COL5A2: variants seen among roughly 807,000 people sequenced by gnomAD.
The protein encoded by COL5A2 is collagen type V alpha 2 chain.
A neutral mutation model predicts 208.2 loss-of-function variants in COL5A2; 23 were observed. That is an observed-to-expected ratio of 0.11 (90% CI 0.08 to 0.16). The LOEUF (loss-of-function observed/expected upper bound fraction) is 0.16, where lower values mean the gene tolerates loss of function less well. COL5A2 is among the 10% of genes least tolerant of loss of function. The pLI is 1.00. For synonymous variants in COL5A2, 625 were observed against 628.5 expected (o/e 0.99, Z 0.08); for missense variants, 1,590 against 1,956.4 (o/e 0.81, Z 3.53).
At chr2:189,246,296 A>G in the COL5A2 span, among the ~76,000 whole-genome samples, 1 of 152,208 alleles carries the variant, frequency 6.6e-6, no homozygotes, top group African/African-American at 2.4e-5. Flanking sequence ...TAGGAAAAAA[A>G]AAAAGAATGT....
chr2:189,403,193 G>A, the COL5A2 span, among the ~76,000 whole-genome samples: 2 of 152,136 alleles, frequency 1.3e-5, no homozygotes, highest in South Asian at 2.1e-4. Context: ...GAGCTCATTC[G>A]TGATTTGGCT....
chr2:189,430,020 T>C, the COL5A2 span, among the ~76,000 whole-genome samples: 1 of 152,186 alleles, frequency 6.6e-6, no homozygotes, highest in African/African-American at 2.4e-5. Flanking sequence ...GTTAGTTCTT[T>C]AATGTATTTA....
chr2:189,395,165 C>A, the COL5A2 span, among the ~76,000 whole-genome samples: 2,575 of 152,200 alleles, frequency 0.017, 75 homozygotes, highest in African/African-American at 0.059. Flanking sequence ...GCCAAATGTA[C>A]CTAAGATTTT....
At chr2:189,423,030 A>T in the COL5A2 span, among the ~76,000 whole-genome samples, 3 of 150,536 alleles carry the variant, frequency 2.0e-5, no homozygotes, top group East Asian at 3.9e-4. Flanking sequence ...TCTCAAAAAA[A>T]AAAAAAAAAA....
intron 12 of COL5A2, among the ~76,000 whole-genome samples, chr2:189,083,688 T>A (rs1041374632): frequency 6.6e-6 from 1 of 151,392 alleles, no homozygotes; most frequent in African/African-American, 2.4e-5. Context: ...AAAAAAAAAC[T>A]ATTTTTTTCT....
intron 1 of COL5A2, among the ~76,000 whole-genome samples, chr2:189,193,585 G>A (rs1298226327): frequency 6.6e-6 from 1 of 152,042 alleles, no homozygotes; most frequent in Non-Finnish European, 1.5e-5. Flanking sequence ...AACTGAAATG[G>A]GCAGCACAAA....
At chr2:189,436,999 T>C in the COL5A2 span, among the ~76,000 whole-genome samples, 38 of 151,962 alleles carry the variant, frequency 2.5e-4, no homozygotes, top group African/African-American at 9.0e-4. Flanking sequence ...GCATGTACCC[T>C]GGAACTTAAA....
chr2:189,085,847 A>T, intron 9 of COL5A2, 75 bp from the exon 10 acceptor site: 1 of 1,226,874 alleles, frequency 8.2e-7, no homozygotes, highest in Non-Finnish European at 1.2e-6. Context: ...GTCAATATAC[A>T]GTGTAATTGT....
chr2:189,366,676 G>A, the COL5A2 span, among the ~76,000 whole-genome samples: 1 of 152,154 alleles, frequency 6.6e-6, no homozygotes, highest in Non-Finnish European at 1.5e-5. Context: ...CCTATAAGAT[G>A]GCCTGAAAAT....
At chr2:189,244,662 T>C in the COL5A2 span, among the ~76,000 whole-genome samples, 1 of 152,158 alleles carries the variant, frequency 6.6e-6, no homozygotes, top group African/African-American at 2.4e-5. Flanking sequence ...CTCTAGGGAG[T>C]TCCAAACTTT....
rs745580343 is a variant in COL5A2, at chr2:189,036,653, G to A, written c.4076C>T (p.Pro1359Leu). The change falls in exon 52 of 54, where the codon CCT becomes CTT. Residue 1359 changes from proline to leucine, a missense_variant. Pro to Leu is a moderately conservative substitution (Grantham distance 98). Coordinates refer to ENST00000374866, the MANE Select transcript of COL5A2 (RefSeq NM_000393.5). ...GTTCATATCAAGACCATACCAAACA[G>A]GTTTATTGTCAGGAGATTTACTGGC... ...WWASKSPDNK[P>L]VWYGLDMNRG... 13 of 1,613,696 alleles carry A rather than the reference G, an allele frequency of 8.1e-6. No homozygotes were observed. Among genetic ancestry groups the A allele is most frequent in the East Asian group, 2.2e-5 (1 of 44,848 alleles).
chr2:189,240,044 T>A, the COL5A2 span, among the ~76,000 whole-genome samples: 1 of 152,258 alleles, frequency 6.6e-6, no homozygotes, highest in East Asian at 1.9e-4. Flanking sequence ...CACAATATTT[T>A]AAAAAACAAC....
the COL5A2 span, among the ~76,000 whole-genome samples, chr2:189,279,143 AAGAAC>A: frequency 6.6e-6 from 1 of 151,976 alleles, no homozygotes; most frequent in Non-Finnish European, 1.5e-5. Context: ...TCTAGTTTAA[AAGAAC>A]AGAAGAAAGA....
chr2:189,242,824 G>A, the COL5A2 span, among the ~76,000 whole-genome samples: 1 of 152,202 alleles, frequency 6.6e-6, no homozygotes, highest in Non-Finnish European at 1.5e-5. Flanking sequence ...CCTGTCAGAT[G>A]ATCTTGGGAA....
chr2:189,226,045 T>C (rs1224343198), upstream of COL5A2, among the ~76,000 whole-genome samples: 1 of 152,198 alleles, frequency 6.6e-6, no homozygotes, highest in Non-Finnish European at 1.5e-5. Context: ...AAAGGCAATA[T>C]GCCTACAATG....
At chr2:189,051,547 A>G in intron 41 of COL5A2, 66 bp from the exon 42 acceptor site, 1 of 1,437,522 alleles carries the variant, frequency 7.0e-7, no homozygotes. Context: ...TGATTGACAT[A>G]ACGCTGTCTG....
chr2:189,325,396 T>A, the COL5A2 span, among the ~76,000 whole-genome samples: 7 of 151,708 alleles, frequency 4.6e-5, no homozygotes, highest in East Asian at 1.9e-4. Flanking sequence ...CCATCCTCCA[T>A]GTTCCTTCTC....
the COL5A2 span, among the ~76,000 whole-genome samples, chr2:189,366,861 T>G: frequency 6.6e-6 from 1 of 152,188 alleles, no homozygotes; most frequent in Non-Finnish European, 1.5e-5. Flanking sequence ...TTCCCAATTA[T>G]ATCATTGTCA....
the COL5A2 span, among the ~76,000 whole-genome samples, chr2:189,241,613 G>A: frequency 6.6e-6 from 1 of 152,172 alleles, no homozygotes; most frequent in Non-Finnish European, 1.5e-5. Context: ...TTGAGCCCAG[G>A]AGGTTGAGGC....
Sources: allele counts gnomAD v4.1 joint callset (sites outside exome capture counted in the v4.1 genomes callset), GRCh38; gene constraint gnomAD v4.1.1; transcripts MANE v1.5; gene names NCBI Gene and HGNC (gene_info 2026-07-23, HGNC 2026-07-21).